The following WDR33 variants were observed in gnomAD, a reference collection of about 807,000 sequenced individuals.
WDR33 encodes the protein WD repeat domain 33, also known as pre-mRNA 3' end processing protein WDR33.
In WDR33, 47 loss-of-function variants were observed where a neutral mutation model predicts 164.9. That is an observed-to-expected ratio of 0.29 (90% CI 0.23 to 0.36). The LOEUF is 0.36. Among genes scored for constraint, WDR33 ranks in the 10% least tolerant of loss-of-function variants. The pLI is 1.00. For synonymous variants in WDR33, 505 were observed against 589.0 expected (o/e 0.86, Z 2.06); for missense variants, 1,137 against 1,754.1 (o/e 0.65, Z 6.28).
chr2:127,775,330 A>G (rs1010626087), intron 1 of WDR33, among the ~76,000 whole-genome samples: 3 of 152,150 alleles, frequency 2.0e-5, no homozygotes, highest in Admixed American at 6.5e-5. Flanking sequence ...CTGGGACTAT[A>G]AGTGCACTCC....
chr2:127,769,556 A>T (rs557101663), intron 2 of WDR33, among the ~76,000 whole-genome samples: 1 of 152,322 alleles, frequency 6.6e-6, no homozygotes, highest in Non-Finnish European at 1.5e-5. Flanking sequence ...AAAAGGAAAC[A>T]GCAGAGAGGG....
chr2:127,799,883 C>A (rs759872985), intron 1 of WDR33, among the ~76,000 whole-genome samples: 1 of 152,128 alleles, frequency 6.6e-6, no homozygotes, highest in African/African-American at 2.4e-5. Context: ...CAGAGTGAGA[C>A]CCCGTCTCTA....
chr2:127,745,570 A>G (rs1687143629), intron 7 of WDR33, among the ~76,000 whole-genome samples: 1 of 152,240 alleles, frequency 6.6e-6, no homozygotes, highest in Non-Finnish European at 1.5e-5. Flanking sequence ...TTGTGAAGCA[A>G]CCAAAGTGCT....
rs1247804567 is a variant in WDR33, at chr2:127,738,966, T to A, written c.725-12189A>T. On this transcript the variant is annotated intron_variant, in intron 7 of 21. Coordinates refer to ENST00000322313, the MANE Select transcript of WDR33 (RefSeq NM_018383.5). The surrounding 1 kb of genome is among the most constrained non-coding windows in gnomAD (Gnocchi z 4.4). ...ACCAGTCCCGTTATAAATGTAAACATGAAATAAAAGACACACAAGAACCTT... is the reference window on the plus strand; with the variant it reads ...ACCAGTCCCGTTATAAATGTAAACAAGAAATAAAAGACACACAAGAACCTT... Among the ~76,000 whole-genome samples the A allele has an allele frequency of 2.0e-5, 3 of 152,098 alleles. No homozygotes were observed. The highest frequency in any genetic ancestry group is 4.4e-5 in the Non-Finnish European group (3 of 68,014).
Position 127,709,745 on chromosome 2 carries a change from C to T in WDR33, c.3420G>A (p.Glu1140=), listed in dbSNP as rs758981715. The change falls in exon 19 of 22, where the codon GAG becomes GAA. Residue 1140 remains glutamate (E), a synonymous_variant. Coordinates refer to ENST00000322313, the MANE Select transcript of WDR33 (RefSeq NM_018383.5). This position sits in a 1 kb window ranked among gnomAD's most constrained non-coding sequence, Gnocchi z 5.0. ...FGPEENFDAS[E]EAARGRDLRG... ...TGAGATCTCGTCCTCGGGCCGCTTC[C>T]TCAGAAGCATCAAAATTCTCCTCTG... 4.3e-6 allele frequency: 7 copies of T among 1,614,242 alleles called. No homozygotes were observed. Among genetic ancestry groups the T allele is most frequent in the Non-Finnish European group, 5.9e-6 (7 of 1,180,052 alleles).
At chr2:127,799,802 G>A (rs1689172995) in intron 1 of WDR33, among the ~76,000 whole-genome samples, 1 of 152,200 alleles carries the variant, frequency 6.6e-6, no homozygotes, top group Admixed American at 6.5e-5. Flanking sequence ...GTTCAGGCAG[G>A]AGGACTGCTT....
chr2:127,800,224 TTAA>T (rs954974750), intron 1 of WDR33, among the ~76,000 whole-genome samples: 14 of 152,306 alleles, frequency 9.2e-5, no homozygotes, highest in African/African-American at 2.6e-4. Context: ...AGCAGCGTTA[TTAA>T]TAATAATCAA....
chr2:127,715,450 A>G (rs913754734), intron 17 of WDR33, among the ~76,000 whole-genome samples: 1 of 152,122 alleles, frequency 6.6e-6, no homozygotes, highest in African/African-American at 2.4e-5. Context: ...CAATATATAT[A>G]AAATGCTTGG....
In WDR33 at chr2:127,713,607, C is replaced by T. The variant is rs1189875572; in HGVS notation, c.3284G>A (p.Arg1095His). 6.2e-7 allele frequency: 1 copy of T among 1,614,252 alleles called. No individual in the cohort carries two copies. The highest frequency in any genetic ancestry group is 8.5e-7 in the Non-Finnish European group (1 of 1,180,040). Reference sequence around the variant, plus strand: ...CCTTTCTTCTCTGCGCCCTCGAAAACGTGGGTCCTCGGGATCCCGGGGGAA... The same window carrying T: ...CCTTTCTTCTCTGCGCCCTCGAAAATGTGGGTCCTCGGGATCCCGGGGGAA... The part of the protein sequence containing the change: ...ERFPRDPEDP[R>H]FRGRREESFR... Residue 1095 changes from arginine to histidine, a missense_variant, in exon 18 of 22, where the codon CGT becomes CAT. This residue lies in a region of WDR33 where 867 missense variants were observed against 1,073.0 expected (regional missense o/e 0.81). Transcript: ENST00000322313. This position sits in a 1 kb window ranked among gnomAD's most constrained non-coding sequence, Gnocchi z 6.2.
At position 127,764,646 on chromosome 2, in the gene WDR33, C is replaced by T; in HGVS notation, c.626+182G>A. The T allele has an allele frequency of 2.6e-6, 4 of 1,560,534 alleles. No individual in the cohort carries two copies. Among genetic ancestry groups the T allele is most frequent in the Non-Finnish European group, 3.5e-6 (4 of 1,151,406 alleles). ...AAAGGCTGATACCGGGACAACACTACTTCAGAAAGGTGCCAGCAAAATGGT... is the reference window on the plus strand; with the variant it reads ...AAAGGCTGATACCGGGACAACACTATTTCAGAAAGGTGCCAGCAAAATGGT... On this transcript the variant is annotated intron_variant, in intron 6 of 21. Coordinates refer to ENST00000322313, the MANE Select transcript of WDR33 (RefSeq NM_018383.5). The surrounding 1 kb of genome is among the most constrained non-coding windows in gnomAD (Gnocchi z 6.2).
At chr2:127,727,714 T>C (rs1686605344) in intron 7 of WDR33, among the ~76,000 whole-genome samples, 1 of 152,222 alleles carries the variant, frequency 6.6e-6, no homozygotes, top group South Asian at 2.1e-4. Context: ...TTTGAAAAAC[T>C]GGATGCTGTA....
intron 1 of WDR33, among the ~76,000 whole-genome samples, chr2:127,795,971 C>T (rs1205753588): frequency 6.6e-6 from 1 of 151,558 alleles, no homozygotes; most frequent in Non-Finnish European, 1.5e-5. Flanking sequence ...AAAAAGTTGC[C>T]TAAGATATTT....
intron 7 of WDR33, among the ~76,000 whole-genome samples, chr2:127,761,653 C>A (rs1037964960): frequency 1.3e-5 from 2 of 152,182 alleles, no homozygotes; most frequent in African/African-American, 4.8e-5. Context: ...GGCTGGGAGT[C>A]AAATGATAAG....
At chr2:127,749,490 C>T (rs1258367108) in intron 7 of WDR33, among the ~76,000 whole-genome samples, 4 of 151,518 alleles carry the variant, frequency 2.6e-5, no homozygotes, top group African/African-American at 9.7e-5. Context: ...GGTGAAACCC[C>T]GTCTCTACTA....
chr2:127,720,103 G>A lies in WDR33; in HGVS notation c.1922C>T (p.Pro641Leu), dbSNP rs1292051800. The change falls in exon 16 of 22, where the codon CCA becomes CTA. Residue 641 changes from proline to leucine, a missense_variant. Physicochemically the swap from Pro to Leu is moderately conservative, Grantham distance 98 (BLOSUM62 -3). Coordinates refer to ENST00000322313, the MANE Select transcript of WDR33 (RefSeq NM_018383.5). This position sits in a 1 kb window ranked among gnomAD's most constrained non-coding sequence, Gnocchi z 5.9. ...TGGCCCCCCACCTCCCTGATGCAGT[G>A]GAGGACCTTGTGGTCCCATTTGTCC... ...PQGQMGPQGP[P>L]LHQGGGGPQG... is the part of the protein sequence containing the mutation. The A allele has an allele frequency of 6.2e-7, 1 of 1,614,120 alleles. No homozygotes were observed.
chr2:127,797,490 A>T (rs1257476801), intron 1 of WDR33, among the ~76,000 whole-genome samples: 3 of 152,132 alleles, frequency 2.0e-5, no homozygotes, highest in Non-Finnish European at 2.9e-5. Context: ...AGACTACGTC[A>T]CACACAAAAA....
chr2:127,711,763 T>TAG (rs1480358329), intron 18 of WDR33, among the ~76,000 whole-genome samples: 14 of 84,658 alleles, frequency 1.7e-4, no homozygotes, highest in African/African-American at 1.3e-3. Flanking sequence ...TATATATATA[T>TAG]ATATATATAT....
At chr2:127,783,786 A>G (rs1157364248) in intron 1 of WDR33, among the ~76,000 whole-genome samples, 5 of 151,504 alleles carry the variant, frequency 3.3e-5, no homozygotes. Flanking sequence ...TTGTATTTTT[A>G]GTAGAGACAA....
intron 7 of WDR33, among the ~76,000 whole-genome samples, chr2:127,732,108 AACACACACACACACAC>A (rs71394692): frequency 1.6e-3 from 225 of 138,208 alleles, no homozygotes; most frequent in South Asian, 3.3e-3. Context: ...CAACATATAC[AACACACACACACACAC>A]ACACACACAC....
Sources: allele counts gnomAD v4.1 joint callset (sites outside exome capture counted in the v4.1 genomes callset), GRCh38; gene constraint gnomAD v4.1.1; regional missense constraint gnomAD v4.1.1; non-coding constraint Gnocchi (gnomAD v3.1); transcripts MANE v1.5; gene names NCBI Gene and HGNC (gene_info 2026-07-23, HGNC 2026-07-21).